Variants in APPL2 observed in about 807,000 individuals in gnomAD.
APPL2 encodes the protein DCC-interacting protein 13-beta.
A neutral mutation model predicts 92.7 loss-of-function variants in APPL2; 84 were observed. The ratio of observed to expected loss-of-function variants is 0.91; its 90% CI spans 0.76 to 1.09. The LOEUF is 1.09. APPL2 is among the 50% of genes least tolerant of loss of function. The probability of loss-of-function intolerance (pLI) is 0.00; values close to 1 mark genes in which losing one functional copy is unlikely to be tolerated. For missense variants in APPL2, 736 were observed against 824.5 expected, an observed-to-expected ratio of 0.89 and a Z score of 1.31; for synonymous variants, 291 against 291.0, an observed-to-expected ratio of 1.00 and a Z score of 0.00.
intron 14 of APPL2, 52 bp from the exon 15 acceptor site, chr12:105,190,207 G>T (rs1306702442): frequency 1.3e-6 from 2 of 1,557,960 alleles, no homozygotes; most frequent in South Asian, 1.2e-5. Context: ...ATAATCAAGT[G>T]AATACTTGTT....
intron 16 of APPL2, among the ~76,000 whole-genome samples, chr12:105,189,165 C>A (rs921183289): frequency 2.0e-5 from 3 of 151,858 alleles, no homozygotes; most frequent in African/African-American, 7.3e-5. Context: ...ATTACAGGCA[C>A]CTGTCACTAC....
intron 5 of APPL2, among the ~76,000 whole-genome samples, chr12:105,209,983 C>G (rs546181583): frequency 6.6e-6 from 1 of 150,952 alleles, no homozygotes; most frequent in African/African-American, 2.4e-5. Flanking sequence ...TTTTTTGAGA[C>G]GGAGTCTCGC....
At chr12:105,190,694 T>C (rs1268156146) in intron 14 of APPL2, among the ~76,000 whole-genome samples, 1 of 152,190 alleles carries the variant, frequency 6.6e-6, no homozygotes, top group Non-Finnish European at 1.5e-5. Flanking sequence ...AATTCTTCCT[T>C]ATCCACTAGG....
intron 2 of APPL2, among the ~76,000 whole-genome samples, chr12:105,218,448 G>T (rs529375904): frequency 1.3e-5 from 2 of 152,316 alleles, no homozygotes; most frequent in Non-Finnish European, 2.9e-5. Flanking sequence ...AACTGCAAAA[G>T]AAAAATACTG....
intron 9 of APPL2, chr12:105,203,453 G>C: frequency 2.1e-6 from 1 of 467,768 alleles, no homozygotes; most frequent in Non-Finnish European, 3.8e-6. Context: ...GCTAAGCTGG[G>C]TTCCCAGGCT....
At chr12:105,202,429 T>A (rs994189303) in intron 9 of APPL2, among the ~76,000 whole-genome samples, 1 of 152,134 alleles carries the variant, frequency 6.6e-6, no homozygotes, top group Non-Finnish European at 1.5e-5. Flanking sequence ...TGGGCACAAA[T>A]GTCCTGCTAC....
chr12:105,195,464 T>C lies in APPL2; in HGVS notation c.1133A>G (p.Tyr378Cys). The C allele has an allele frequency of 1.9e-6, 3 of 1,614,190 alleles. No homozygotes were observed. Among genetic ancestry groups the C allele is most frequent in the Non-Finnish European group, 2.5e-6 (3 of 1,180,036 alleles). The change falls in exon 13 of 21, where the codon TAC becomes TGC. Residue 378 changes from tyrosine to cysteine, a missense_variant. Tyr to Cys is a radical substitution (Grantham distance 194). Transcript: ENST00000258530. ...CAINNISRQI[Y>C]LTDNPEAVAI... is the part of the protein sequence containing the mutation. ...AATTACCTCAGGGTTGTCGGTCAGG[T>C]AGATCTGTCTGGAGATGTTGTTTAT...
chr12:105,232,053 A>T (rs945221712), intron 1 of APPL2, among the ~76,000 whole-genome samples: 1 of 152,202 alleles, frequency 6.6e-6, no homozygotes, highest in Non-Finnish European at 1.5e-5. Flanking sequence ...TAACAACAGC[A>T]ATCATTTATG....
At chr12:105,210,947 C>T (rs1437937094) in intron 5 of APPL2, among the ~76,000 whole-genome samples, 1 of 152,138 alleles carries the variant, frequency 6.6e-6, no homozygotes, top group Non-Finnish European at 1.5e-5. Flanking sequence ...CCTAGCACGC[C>T]TTTCTGTGTG....
chr12:105,209,533 T>C (rs999955518), intron 5 of APPL2, among the ~76,000 whole-genome samples: 2 of 152,172 alleles, frequency 1.3e-5, no homozygotes, highest in Admixed American at 6.5e-5. Context: ...TAAGCAAACC[T>C]GAAAGACATA....
rs754971582 is a variant in APPL2 at position 105,207,219 on chromosome 12, GT to G, written c.475-13del. ...ACTTCGGTCTTCACCTGGTTAAAAGGTGAAAGGAAAACTTCAAGTTGTCTAC... is the reference window on the plus strand; with the variant it reads ...ACTTCGGTCTTCACCTGGTTAAAAGGGAAAGGAAAACTTCAAGTTGTCTAC... On this transcript the variant is annotated splice_polypyrimidine_tract_variant and intron_variant, in intron 7 of 20. Coordinates refer to ENST00000258530, the MANE Select transcript of APPL2 (RefSeq NM_018171.5). The G allele has an allele frequency of 1.2e-6, 2 of 1,608,104 alleles. No homozygotes were observed. The highest frequency in any genetic ancestry group is 1.7e-6 in the Non-Finnish European group (2 of 1,178,180).
intron 9 of APPL2, among the ~76,000 whole-genome samples, chr12:105,200,859 T>C (rs966210228): frequency 3.8e-5 from 5 of 132,312 alleles, no homozygotes; most frequent in Non-Finnish European, 7.8e-5. Flanking sequence ...TATGTATGTA[T>C]GTATGTATCT....
rs529091122 is a variant in APPL2, at chr12:105,228,030, C to G, written c.153+1095G>C. On this transcript the variant is annotated intron_variant, in intron 2 of 20. Transcript: ENST00000258530. Reference sequence around the variant, plus strand: ...TCTCTGGTGATTGCTTTGTCTGCCTCCCAACCCAACTGTCAGCTCCCCAAC... The same window carrying G: ...TCTCTGGTGATTGCTTTGTCTGCCTGCCAACCCAACTGTCAGCTCCCCAAC... 2.0e-5 allele frequency among the ~76,000 whole-genome samples: 3 copies of G among 152,300 alleles called. No homozygotes were observed. The East Asian group carries it at 5.8e-4, about 29-fold the overall frequency.
chr12:105,186,141 CAT>C (rs370720909), intron 17 of APPL2, among the ~76,000 whole-genome samples: 4 of 152,054 alleles, frequency 2.6e-5, no homozygotes, highest in African/African-American at 9.7e-5. Flanking sequence ...AGTATTCCAT[CAT>C]ATATATATAC....
At chr12:105,201,915 G>A (rs1294648289) in intron 9 of APPL2, among the ~76,000 whole-genome samples, 1 of 152,146 alleles carries the variant, frequency 6.6e-6, no homozygotes, top group Non-Finnish European at 1.5e-5. Flanking sequence ...CAGAGCACCT[G>A]TGGCATCATC....
At chr12:105,217,251 A>G in intron 3 of APPL2, 111 bp from the exon 4 acceptor site, 1 of 669,910 alleles carries the variant, frequency 1.5e-6, no homozygotes, top group Non-Finnish European at 2.6e-6. Context: ...CTTCTCCAAG[A>G]GCACGTCCTA....
intron 14 of APPL2, among the ~76,000 whole-genome samples, chr12:105,194,807 T>C (rs1592778965): frequency 6.7e-6 from 1 of 149,460 alleles, no homozygotes; most frequent in African/African-American, 2.5e-5. Flanking sequence ...TATGTGCAAA[T>C]ACAAAATAAA....
intron 1 of APPL2, among the ~76,000 whole-genome samples, chr12:105,232,399 A>G (rs1890989649): frequency 6.6e-6 from 1 of 152,218 alleles, no homozygotes; most frequent in Non-Finnish European, 1.5e-5. Context: ...AGTGTGTGTA[A>G]TTGTGTAGTG....
chr12:105,228,203 T>G (rs1109433), intron 2 of APPL2, among the ~76,000 whole-genome samples: 76 of 152,180 alleles, frequency 5.0e-4, no homozygotes, highest in Non-Finnish European at 2.1e-4. Context: ...TTAAGTACCC[T>G]GCATCTGAAA....
Sources: allele counts gnomAD v4.1 joint callset (sites outside exome capture counted in the v4.1 genomes callset), GRCh38; gene constraint gnomAD v4.1.1; transcripts MANE v1.5; gene names NCBI Gene and HGNC (gene_info 2026-07-23, HGNC 2026-07-21).